CSMD1: variants seen among roughly 807,000 people sequenced by gnomAD.
CSMD1 encodes the protein CUB and Sushi multiple domains 1, also known as CUB and sushi domain-containing protein 1.
A neutral mutation model predicts 417.5 loss-of-function variants in CSMD1; 213 were observed. The ratio of observed to expected loss-of-function variants is 0.51; its 90% CI spans 0.46 to 0.57. CSMD1 has a LOEUF of 0.57. Among genes scored for constraint, CSMD1 ranks in the 20% least tolerant of loss-of-function variants. CSMD1 has a pLI of 0.00. For synonymous variants in CSMD1, 2,862 were observed against 1,736.8 expected (o/e 1.65, Z -16.11); for missense variants, 6,923 against 4,529.7 (o/e 1.53, Z -15.17).
chr8:3,639,607 T>A (rs1003770425), intron 7 of CSMD1, among the ~76,000 whole-genome samples: 1 of 152,216 alleles, frequency 6.6e-6, no homozygotes. Flanking sequence ...AATCTTAAAA[T>A]CAATTAATGA....
chr8:4,866,049 T>C (rs1751533462), intron 1 of CSMD1, among the ~76,000 whole-genome samples: 1 of 151,952 alleles, frequency 6.6e-6, no homozygotes, highest in Non-Finnish European at 1.5e-5. Context: ...CTCTCAGTTT[T>C]TGACACCTTA....
intron 51 of CSMD1, among the ~76,000 whole-genome samples, chr8:3,019,930 T>G (rs1809216191): frequency 6.6e-6 from 1 of 152,216 alleles, no homozygotes; most frequent in Admixed American, 6.5e-5. Context: ...TTAGAAAAGC[T>G]ATTCAAAGCA....
At chr8:3,108,093 G>C (rs1336992370) in intron 44 of CSMD1, among the ~76,000 whole-genome samples, 1 of 152,208 alleles carries the variant, frequency 6.6e-6, no homozygotes, top group East Asian at 1.9e-4. Flanking sequence ...TGACTCAACA[G>C]TCACAACCTG....
intron 5 of CSMD1, among the ~76,000 whole-genome samples, chr8:3,957,709 A>G (rs2627502): frequency 0.76 from 114,547 of 151,254 alleles, 43,721 homozygotes; most frequent in East Asian, 0.95. Flanking sequence ...GAGAAGAGGA[A>G]AAGAGAAAAG....
At chr8:4,123,849 G>C (rs368413996) in intron 3 of CSMD1, among the ~76,000 whole-genome samples, 1 of 152,050 alleles carries the variant, frequency 6.6e-6, no homozygotes, top group Non-Finnish European at 1.5e-5. Flanking sequence ...TGAGAACACG[G>C]AACTTTCAAC....
chr8:4,714,596 A>C (rs1453875680), intron 1 of CSMD1, among the ~76,000 whole-genome samples: 1 of 151,862 alleles, frequency 6.6e-6, no homozygotes, highest in East Asian at 1.9e-4. Context: ...TGAATAACAC[A>C]GCTGAGATTC....
chr8:4,527,837 C>G (rs1270312999), intron 2 of CSMD1, among the ~76,000 whole-genome samples: 1 of 152,152 alleles, frequency 6.6e-6, no homozygotes, highest in East Asian at 1.9e-4. Context: ...AGTTTTCAGC[C>G]TGTGTCTTTA....
Position 4,113,254 on chromosome 8 carries a change from G to A in CSMD1, c.416-81155C>T, listed in dbSNP as rs528520167. Among the ~76,000 whole-genome samples the A allele has an allele frequency of 5.1e-4, 77 of 152,114 alleles. 2 individuals carry two copies. The South Asian group carries it at 0.015, about 30-fold the overall frequency. On this transcript the variant is annotated intron_variant, in intron 3 of 69. Coordinates refer to ENST00000635120, the MANE Select transcript of CSMD1 (RefSeq NM_033225.6). ...ATGTGTTCAATTGAAAGAAAGGACT[G>A]CACATCTCTCATTTTAAATCAAAAG...
At chr8:4,327,114 G>C (rs767718571) in intron 3 of CSMD1, among the ~76,000 whole-genome samples, 2 of 152,144 alleles carry the variant, frequency 1.3e-5, no homozygotes, top group African/African-American at 2.4e-5. Flanking sequence ...GGGGAATCCA[G>C]CTGTAATATC....
chr8:4,650,611 T>G (rs145260453), intron 1 of CSMD1, among the ~76,000 whole-genome samples: 113 of 152,120 alleles, frequency 7.4e-4, no homozygotes, highest in African/African-American at 2.6e-3. Context: ...ACAAAGTATT[T>G]TGGCAAAAAG....
At chr8:3,126,637 G>C (rs1474276642) in intron 41 of CSMD1, among the ~76,000 whole-genome samples, 1 of 152,136 alleles carries the variant, frequency 6.6e-6, no homozygotes, top group East Asian at 1.9e-4. Context: ...CTAAACTTCT[G>C]GGATAGCATA....
At chr8:3,302,513 C>G (rs936773331) in intron 25 of CSMD1, among the ~76,000 whole-genome samples, 32 of 152,184 alleles carry the variant, frequency 2.1e-4, no homozygotes, top group Non-Finnish European at 5.9e-5. Flanking sequence ...CATTTCTTCC[C>G]TGCATGTCTA....
At chr8:3,850,180 G>A (rs891752054) in intron 5 of CSMD1, among the ~76,000 whole-genome samples, 2 of 152,198 alleles carry the variant, frequency 1.3e-5, no homozygotes, top group South Asian at 2.1e-4. Context: ...TGCTGTATAG[G>A]CAAATTTTGA....
intron 1 of CSMD1, among the ~76,000 whole-genome samples, chr8:4,763,318 G>T (rs538621250): frequency 6.6e-6 from 1 of 152,156 alleles, no homozygotes; most frequent in African/African-American, 2.4e-5. Flanking sequence ...CCTCCTGAAT[G>T]ATCTCATCCC....
chr8:3,308,584 G>GCTAAATGCT (rs1805076018), intron 23 of CSMD1, 81 bp from the exon 24 acceptor site: 1 of 1,143,538 alleles, frequency 8.7e-7, no homozygotes, highest in Non-Finnish European at 1.3e-6. Flanking sequence ...AAACAAGGTT[G>GCTAAATGCT]CTAAATGCTC....
intron 17 of CSMD1, among the ~76,000 whole-genome samples, chr8:3,390,635 T>C (rs1811294390): frequency 1.3e-5 from 2 of 151,554 alleles, no homozygotes; most frequent in Non-Finnish European, 2.9e-5. Context: ...GAATTTTTGA[T>C]ACAAATAGTT....
chr8:3,303,383 A>G (rs1450391692), intron 25 of CSMD1, among the ~76,000 whole-genome samples: 1 of 152,232 alleles, frequency 6.6e-6, no homozygotes, highest in Non-Finnish European at 1.5e-5. Context: ...AAGAAAATCC[A>G]GGTCAGGACA....
intron 3 of CSMD1, among the ~76,000 whole-genome samples, chr8:4,060,084 G>C (rs1277529877): frequency 2.6e-5 from 4 of 152,148 alleles, no homozygotes; most frequent in African/African-American, 4.8e-5. Flanking sequence ...ACACCAAAAA[G>C]CCTATCCACC....
At chr8:4,785,780 C>A (rs940956642) in intron 1 of CSMD1, among the ~76,000 whole-genome samples, 1 of 152,106 alleles carries the variant, frequency 6.6e-6, no homozygotes, top group African/African-American at 2.4e-5. Context: ...CTCCCGGGAA[C>A]CTTATAAGAT....
Sources: gnomAD v4.1 joint callset for allele counts (sites outside exome capture counted in the v4.1 genomes callset) on GRCh38, gnomAD v4.1.1 for gene constraint, MANE v1.5 for transcripts, NCBI Gene and HGNC (gene_info 2026-07-23, HGNC 2026-07-21) for gene names.